The following CNTNAP2 variants were observed in gnomAD, a reference collection of about 807,000 sequenced individuals.
CNTNAP2 encodes the protein contactin associated protein 2.
Under a neutral mutation model 155.2 loss-of-function variants are expected in CNTNAP2, and 98 were observed. The observed-to-expected ratio is 0.63, with a 90% CI of 0.54 to 0.75. The LOEUF (loss-of-function observed/expected upper bound fraction) is 0.75. CNTNAP2 is among the 30% of genes least tolerant of loss of function. The probability of loss-of-function intolerance (pLI) is 0.00; values close to 1 mark genes in which losing one functional copy is unlikely to be tolerated. For synonymous variants in CNTNAP2, 651 were observed against 631.2 expected, an observed-to-expected ratio of 1.03 and a Z score of -0.47; for missense variants, 1,727 against 1,688.1, an observed-to-expected ratio of 1.02 and a Z score of -0.40.
intron 1 of CNTNAP2, among the ~76,000 whole-genome samples, chr7:146,171,578 T>A (rs1798391085): frequency 6.6e-6 from 1 of 152,174 alleles, no homozygotes; most frequent in Non-Finnish European, 1.5e-5. Flanking sequence ...GAGCAAGTGT[T>A]TTATGAATTC....
intron 8 of CNTNAP2, among the ~76,000 whole-genome samples, chr7:147,183,580 T>TG (rs71182184): frequency 1.3e-5 from 2 of 152,000 alleles, no homozygotes; most frequent in Non-Finnish European, 1.5e-5. Context: ...TGTGTGTGTG[T>TG]TTTTCCTTAC....
intron 12 of CNTNAP2, among the ~76,000 whole-genome samples, chr7:147,619,438 T>G (rs942564758): frequency 6.6e-6 from 1 of 152,224 alleles, no homozygotes; most frequent in African/African-American, 2.4e-5. Flanking sequence ...TAAGATTTAA[T>G]GGCTCTTCCA....
chr7:147,947,186 A>G (rs1800835770), intron 14 of CNTNAP2, among the ~76,000 whole-genome samples: 1 of 152,064 alleles, frequency 6.6e-6, no homozygotes, highest in Admixed American at 6.6e-5. Flanking sequence ...ATAGATGAAA[A>G]GTCTTTCTGG....
chr7:146,926,058 C>G (rs143097914), intron 3 of CNTNAP2, among the ~76,000 whole-genome samples: 1 of 152,192 alleles, frequency 6.6e-6, no homozygotes, highest in East Asian at 1.9e-4. Context: ...AAGCCTCTAG[C>G]CTTGATTGGA....
chr7:147,185,338 G>T (rs989952025), intron 8 of CNTNAP2, among the ~76,000 whole-genome samples: 1 of 152,070 alleles, frequency 6.6e-6, no homozygotes, highest in Non-Finnish European at 1.5e-5. Context: ...AGTTGAGCTT[G>T]CACGTAATCT....
intron 1 of CNTNAP2, among the ~76,000 whole-genome samples, chr7:146,545,503 C>T (rs1198924661): frequency 6.6e-6 from 1 of 151,636 alleles, no homozygotes; most frequent in Admixed American, 6.6e-5. Context: ...ACCCTCACCC[C>T]CCAACATGCC....
intron 8 of CNTNAP2, among the ~76,000 whole-genome samples, chr7:147,204,489 T>C (rs551788105): frequency 6.6e-6 from 1 of 152,218 alleles, no homozygotes; most frequent in East Asian, 1.9e-4. Flanking sequence ...TTGTTGGGTC[T>C]CAAGATGAGG....
At chr7:147,307,597 C>CA (rs1554467066) in intron 9 of CNTNAP2, among the ~76,000 whole-genome samples, 1 of 151,592 alleles carries the variant, frequency 6.6e-6, no homozygotes, top group African/African-American at 2.4e-5. Context: ...CCTGCCCCCC[C>CA]AAAAAAGGAA....
chr7:147,224,656 A>G (rs1279657717), intron 8 of CNTNAP2, among the ~76,000 whole-genome samples: 1 of 152,196 alleles, frequency 6.6e-6, no homozygotes, highest in African/African-American at 2.4e-5. Context: ...ATAGTCCCAG[A>G]AAGTATATAA....
intron 1 of CNTNAP2, among the ~76,000 whole-genome samples, chr7:146,720,773 A>G (rs73168719): frequency 0.034 from 5,170 of 151,288 alleles, 128 homozygotes; most frequent in East Asian, 0.12. Context: ...ATTATAGACT[A>G]TGTAGAGGAT....
At chr7:146,691,011 T>A (rs898770680) in intron 1 of CNTNAP2, among the ~76,000 whole-genome samples, 1 of 152,162 alleles carries the variant, frequency 6.6e-6, no homozygotes, top group African/African-American at 2.4e-5. Context: ...ATAAACAAGG[T>A]GTGCATTTCT....
In CNTNAP2 at chr7:148,118,171, T is replaced by C; in HGVS notation, c.2437T>C (p.Ser813Pro). The change falls in exon 16 of 24, where the codon TCT (serine) becomes CCT (proline). Residue 813 changes from serine to proline, a missense_variant. Ser to Pro is a moderately conservative substitution (Grantham distance 74, BLOSUM62 -1). Transcript: ENST00000361727. Reference sequence around the variant, plus strand: ...AAACCCATCCTCCTACCTGCACTTCTCTACTTTCCAAGGGGAAACTAGCGC... The same window carrying C: ...AAACCCATCCTCCTACCTGCACTTCCCTACTTTCCAAGGGGAAACTAGCGC... ...FPNPSSYLHF[S>P]TFQGETSADI... The C allele has an allele frequency of 6.2e-7, 1 of 1,614,204 alleles. No homozygotes were observed. The highest frequency in any genetic ancestry group is 8.5e-7 in the Non-Finnish European group (1 of 1,180,032).
In CNTNAP2 at chr7:148,148,755, C is replaced by A. The variant is rs542494088; in HGVS notation, c.2773+1046C>A. On this transcript the variant is annotated intron_variant, in intron 17 of 23. Coordinates refer to ENST00000361727, the MANE Select transcript of CNTNAP2 (RefSeq NM_014141.6). Reference sequence around the variant, plus strand: ...CATTAAAGGAAAGGTAAAATTAGATCTCCATTCATTTTGTGTGATGTCGGC... The same window carrying A: ...CATTAAAGGAAAGGTAAAATTAGATATCCATTCATTTTGTGTGATGTCGGC... Among the ~76,000 whole-genome samples the A allele has an allele frequency of 5.9e-5, 9 of 152,332 alleles. No homozygotes were observed. In the South Asian group the frequency reaches 1.9e-3, roughly 32 times the overall value.
At chr7:146,158,032 G>A (rs920775617) in intron 1 of CNTNAP2, among the ~76,000 whole-genome samples, 3 of 152,154 alleles carry the variant, frequency 2.0e-5, no homozygotes, top group East Asian at 1.9e-4. Flanking sequence ...CCTCTGAGTC[G>A]AAACTTCCAG....
chr7:147,000,109 T>G (rs1798393536), intron 3 of CNTNAP2, among the ~76,000 whole-genome samples: 1 of 151,948 alleles, frequency 6.6e-6, no homozygotes, highest in Admixed American at 6.6e-5. Flanking sequence ...AACTTGTGTA[T>G]CAGTTTAGAG....
At chr7:146,183,577 A>G (rs1798579629) in intron 1 of CNTNAP2, among the ~76,000 whole-genome samples, 1 of 150,966 alleles carries the variant, frequency 6.6e-6, no homozygotes, top group African/African-American at 2.4e-5. Context: ...ATCTGCTGTC[A>G]GCACCATCAG....
intron 1 of CNTNAP2, among the ~76,000 whole-genome samples, chr7:146,720,031 G>A (rs1325419799): frequency 6.6e-6 from 1 of 151,722 alleles, no homozygotes; most frequent in Non-Finnish European, 1.5e-5. Context: ...CTGTTTTTTT[G>A]GTTTGTTTGT....
intron 13 of CNTNAP2, among the ~76,000 whole-genome samples, chr7:147,787,626 A>G (rs1797759687): frequency 1.3e-5 from 2 of 152,200 alleles, no homozygotes; most frequent in Admixed American, 1.3e-4. Context: ...TGAGGAGGTA[A>G]TTTTTTAAGG....
chr7:146,495,164 T>C lies in CNTNAP2; in HGVS notation c.98-279107T>C, dbSNP rs1411900940. On this transcript the variant is annotated intron_variant, in intron 1 of 23. Coordinates refer to ENST00000361727, the MANE Select transcript of CNTNAP2 (RefSeq NM_014141.6). ...GATGCCGGCTAGGCAGGTCAGCTCC[T>C]CTGGGACCCTAGTTACAATGGCATT... 7.2e-5 allele frequency among the ~76,000 whole-genome samples: 11 copies of C among 152,348 alleles called. No homozygotes were observed. The East Asian group carries it at 1.5e-3, about 21-fold the overall frequency.
Sources: allele counts gnomAD v4.1 joint callset (sites outside exome capture counted in the v4.1 genomes callset), GRCh38; gene constraint gnomAD v4.1.1; transcripts MANE v1.5; gene names NCBI Gene and HGNC (gene_info 2026-07-23, HGNC 2026-07-21).